Variants in LGR5 observed in about 807,000 individuals in gnomAD.
LGR5 encodes leucine-rich repeat-containing G protein-coupled receptor 5.
LGR5 carries 54 observed loss-of-function variants against 76.7 expected under a neutral mutation model. That is an observed-to-expected ratio of 0.70 (90% CI 0.57 to 0.88). The LOEUF (loss-of-function observed/expected upper bound fraction) is 0.88, where lower values mean the gene tolerates loss of function less well. LGR5 is among the 40% of genes least tolerant of loss of function. LGR5 has a pLI of 0.00. For synonymous variants in LGR5, 406 were observed against 421.9 expected, an observed-to-expected ratio of 0.96 and a Z score of 0.46; for missense variants, 1,078 against 1,073.3, an observed-to-expected ratio of 1.00 and a Z score of -0.06.
intron 4 of LGR5, among the ~76,000 whole-genome samples, chr12:71,546,184 A>C (rs1447194770): frequency 6.6e-6 from 1 of 152,012 alleles, no homozygotes; most frequent in Non-Finnish European, 1.5e-5. Flanking sequence ...GTGTGGTGGC[A>C]TGCACCTATA....
intron 3 of LGR5, among the ~76,000 whole-genome samples, chr12:71,530,781 AAACT>A (rs1285945968): frequency 8.5e-5 from 13 of 152,258 alleles, no homozygotes; most frequent in African/African-American, 3.1e-4. Flanking sequence ...GTGATGGGTA[AAACT>A]AACCATAGAA....
intron 4 of LGR5, among the ~76,000 whole-genome samples, chr12:71,540,187 A>G (rs2137378873): frequency 6.6e-6 from 1 of 152,314 alleles, no homozygotes; most frequent in South Asian, 2.1e-4. Context: ...TGTGATTGTC[A>G]TTAATGAATT....
chr12:71,494,115 T>C (rs989548462), intron 1 of LGR5, among the ~76,000 whole-genome samples: 1 of 149,576 alleles, frequency 6.7e-6, no homozygotes, highest in Non-Finnish European at 1.5e-5. Flanking sequence ...GGCTAATTTT[T>C]TATACTTTTT....
At chr12:71,555,203 T>C (rs1877696725) in intron 5 of LGR5, among the ~76,000 whole-genome samples, 1 of 152,248 alleles carries the variant, frequency 6.6e-6, no homozygotes, top group South Asian at 2.1e-4. Flanking sequence ...AAGAATTTTT[T>C]GTGATATTAA....
At chr12:71,479,500 G>A (rs1297251506) in intron 1 of LGR5, among the ~76,000 whole-genome samples, 1 of 152,182 alleles carries the variant, frequency 6.6e-6, no homozygotes, top group African/African-American at 2.4e-5. Flanking sequence ...AAGAAAGTAA[G>A]TCAGTAAGTA....
chr12:71,539,090 C>A (rs2137376608), intron 4 of LGR5, among the ~76,000 whole-genome samples: 1 of 152,300 alleles, frequency 6.6e-6, no homozygotes. Flanking sequence ...GCAGCATCAG[C>A]ACTGCCTAAG....
chr12:71,483,634 T>A (rs1475661121), intron 1 of LGR5, among the ~76,000 whole-genome samples: 1 of 152,112 alleles, frequency 6.6e-6, no homozygotes, highest in Non-Finnish European at 1.5e-5. Flanking sequence ...CACAACTGGG[T>A]TCAGACTCTG....
chr12:71,512,840 C>T (rs1592503455), intron 2 of LGR5, among the ~76,000 whole-genome samples: 1 of 152,090 alleles, frequency 6.6e-6, no homozygotes, highest in South Asian at 2.1e-4. Flanking sequence ...ATGTCAGTAA[C>T]GTTGTTGGAA....
intron 4 of LGR5, among the ~76,000 whole-genome samples, chr12:71,540,103 A>G (rs1478329964): frequency 1.3e-5 from 2 of 152,204 alleles, no homozygotes; most frequent in African/African-American, 4.8e-5. Flanking sequence ...GAAACTCAAA[A>G]CTTAACCCTC....
At chr12:71,553,770 T>G (rs1243736672) in intron 5 of LGR5, among the ~76,000 whole-genome samples, 2 of 152,138 alleles carry the variant, frequency 1.3e-5, no homozygotes, top group Non-Finnish European at 2.9e-5. Flanking sequence ...TAGAGCCAAT[T>G]TATTAAGACA....
At position 71,568,019 on chromosome 12, in the gene LGR5, G is replaced by C. The variant is rs372545456; in HGVS notation, c.1070+1107G>C. Among the ~76,000 whole-genome samples the C allele has an allele frequency of 2.0e-4, 31 of 152,152 alleles. No individual in the cohort carries two copies. In the East Asian group the frequency reaches 5.8e-3, roughly 28 times the overall value. On this transcript the variant is annotated intron_variant, in intron 11 of 17. Coordinates refer to ENST00000266674, the MANE Select transcript of LGR5 (RefSeq NM_003667.4). ...TGTATATCAGGTGGTAGAAATTTGG[G>C]GGGCCATGTTAGAATTCTGCCTACC...
At chr12:71,564,978 C>T (rs183852554) in intron 8 of LGR5, among the ~76,000 whole-genome samples, 174 of 149,126 alleles carry the variant, frequency 1.2e-3, no homozygotes, top group East Asian at 6.2e-3. Context: ...TGTATATATA[C>T]GTGTGTATAT....
At chr12:71,532,817 G>C (rs1592519946) in intron 3 of LGR5, among the ~76,000 whole-genome samples, 1 of 150,886 alleles carries the variant, frequency 6.6e-6, no homozygotes, top group Admixed American at 6.6e-5. Flanking sequence ...TTTTGAGACA[G>C]GGTCTCATTT....
intron 1 of LGR5, among the ~76,000 whole-genome samples, chr12:71,496,699 T>A (rs1457513528): frequency 1.3e-5 from 2 of 152,184 alleles, no homozygotes; most frequent in Non-Finnish European, 2.9e-5. Context: ...CATCAACAGT[T>A]GAGTGGGTAC....
At chr12:71,557,803 C>T (rs560921485) in intron 6 of LGR5, among the ~76,000 whole-genome samples, 2 of 152,110 alleles carry the variant, frequency 1.3e-5, no homozygotes, top group Non-Finnish European at 2.9e-5. Context: ...CATCCCTACC[C>T]TCACATTTTT....
intron 1 of LGR5, among the ~76,000 whole-genome samples, chr12:71,444,181 T>C (rs533409813): frequency 1.3e-5 from 2 of 152,184 alleles, no homozygotes; most frequent in East Asian, 3.9e-4. Context: ...GAAAATGTAC[T>C]TTAGAAATGA....
At chr12:71,510,348 G>T (rs762351410) in intron 2 of LGR5, among the ~76,000 whole-genome samples, 2 of 151,978 alleles carry the variant, frequency 1.3e-5, no homozygotes, top group Non-Finnish European at 2.9e-5. Context: ...CGGTCATTGT[G>T]TATATATATA....
chr12:71,531,481 G>GT (rs922047636), intron 3 of LGR5, among the ~76,000 whole-genome samples: 13 of 152,074 alleles, frequency 8.5e-5, no homozygotes, highest in African/African-American at 2.9e-4. Flanking sequence ...GGCTTAAATT[G>GT]TTTTTTTGTT....
At chr12:71,555,143 C>T (rs1877693658) in intron 5 of LGR5, among the ~76,000 whole-genome samples, 1 of 151,844 alleles carries the variant, frequency 6.6e-6, no homozygotes, top group Admixed American at 6.6e-5. Context: ...ATAAATCTCA[C>T]CTAAAACCAA....
Sources: gnomAD v4.1 joint callset for allele counts (sites outside exome capture counted in the v4.1 genomes callset) on GRCh38, gnomAD v4.1.1 for gene constraint, MANE v1.5 for transcripts, NCBI Gene and HGNC (gene_info 2026-07-23, HGNC 2026-07-21) for gene names.